The following LPA variants were observed in gnomAD, a reference collection of about 807,000 sequenced individuals.
LPA encodes apolipoprotein(a).
A neutral mutation model predicts 197.9 loss-of-function variants in LPA; 199 were observed. The ratio of observed to expected loss-of-function variants is 1.01; its 90% CI spans 0.90 to 1.13. LPA has a LOEUF of 1.13. Among genes scored for constraint, LPA ranks in the 50% most tolerant of loss-of-function variants. The pLI is 0.00. For synonymous variants in LPA, 715 were observed against 639.5 expected (o/e 1.12, Z -1.78); for missense variants, 1,853 against 1,785.8 (o/e 1.04, Z -0.68).
intron 20 of LPA, among the ~76,000 whole-genome samples, chr6:160,597,122 C>T (rs1272014335): frequency 1.3e-5 from 2 of 152,152 alleles, no homozygotes; most frequent in African/African-American, 4.8e-5. Flanking sequence ...GTGAATGCTC[C>T]ATGCACACTT....
Position 160,595,521 on chromosome 6 carries a change from T to A in LPA, c.3302A>T (p.Asn1101Ile). ...ENYPNAGLTR[N>I]YCRNPDAEIR... ...CTCAGCATCTGGATTCCTGCAGTAG[T>A]TCCTGGTCAGGCCACTGCAAATTTC... Residue 1101 changes from asparagine to isoleucine, a missense_variant, in exon 21 of 39, where the codon AAC becomes ATC. Physicochemically the swap from Asn to Ile is moderately radical, Grantham distance 149 (BLOSUM62 -3). Around this residue, in one of 3 missense-constraint regions of LPA, gnomAD observed 1,737 missense variants for 1,504.4 expected, o/e 1.15. Transcript: ENST00000316300. The A allele has an allele frequency of 6.2e-7, 1 of 1,613,986 alleles. No homozygotes were observed. The highest frequency in any genetic ancestry group is 1.1e-5 in the South Asian group (1 of 91,078).
At chr6:160,542,624 G>A (rs1350794101) in intron 34 of LPA, 64 bp downstream of exon 34, 46 of 1,608,682 alleles carry the variant, frequency 2.9e-5, no homozygotes, top group Admixed American at 3.3e-5. Flanking sequence ...CTGTGTAAAT[G>A]TAGAAGGGTT....
At chr6:160,576,647 C>CAT (rs1170597073) in intron 28 of LPA, among the ~76,000 whole-genome samples, 1 of 134,212 alleles carries the variant, frequency 7.5e-6, no homozygotes, top group Non-Finnish European at 1.6e-5. Flanking sequence ...AATATTCAGA[C>CAT]ATATATATAA....
At chr6:160,583,922 T>C (rs1317816342) in intron 26 of LPA, among the ~76,000 whole-genome samples, 1 of 152,226 alleles carries the variant, frequency 6.6e-6, no homozygotes, top group Non-Finnish European at 1.5e-5. Context: ...CTGTTCAACA[T>C]GTGCAAACAG....
At chr6:160,585,274 CACAAA>C in intron 25 of LPA, 69 bp from the exon 26 acceptor site, 1 of 1,462,870 alleles carries the variant, frequency 6.8e-7, no homozygotes, top group Non-Finnish European at 9.6e-7. Context: ...AATTATGACA[CACAAA>C]GTGGAATAAT....
intron 16 of LPA, among the ~76,000 whole-genome samples, chr6:160,607,699 C>T (rs1582882402): frequency 6.6e-6 from 1 of 152,086 alleles, no homozygotes; most frequent in South Asian, 2.1e-4. Flanking sequence ...AACACTGTCT[C>T]TCTAGAGACT....
At chr6:160,656,854 C>A (rs1463620840) in intron 1 of LPA, among the ~76,000 whole-genome samples, 2 of 152,128 alleles carry the variant, frequency 1.3e-5, no homozygotes, top group Non-Finnish European at 2.9e-5. Context: ...TTCTACCTGG[C>A]AGTTTTTTGT....
At chr6:160,602,363 T>C (rs1335716695) in intron 18 of LPA, among the ~76,000 whole-genome samples, 1 of 152,228 alleles carries the variant, frequency 6.6e-6, no homozygotes, top group Non-Finnish European at 1.5e-5. Flanking sequence ...TAATATTACA[T>C]ACCATCGTGG....
At chr6:160,607,795 C>T (rs1191969968) in intron 16 of LPA, among the ~76,000 whole-genome samples, 1 of 152,158 alleles carries the variant, frequency 6.6e-6, no homozygotes, top group Non-Finnish European at 1.5e-5. Flanking sequence ...AGAGCCCAAA[C>T]TCGTGACAAA....
At chr6:160,574,466 C>A (rs1381430736) in intron 28 of LPA, among the ~76,000 whole-genome samples, 2 of 152,070 alleles carry the variant, frequency 1.3e-5, no homozygotes, top group Non-Finnish European at 2.9e-5. Context: ...GTAGAGCAGT[C>A]CTCCATGTGG....
chr6:160,554,768 C>G (rs568211516), intron 30 of LPA, among the ~76,000 whole-genome samples: 1 of 152,070 alleles, frequency 6.6e-6, no homozygotes, highest in South Asian at 2.1e-4. Context: ...ATTCCTTCAG[C>G]TCCTTTTCAC....
intron 28 of LPA, among the ~76,000 whole-genome samples, chr6:160,570,504 AG>A (rs1270344531): frequency 6.6e-6 from 1 of 152,084 alleles, no homozygotes; most frequent in Non-Finnish European, 1.5e-5. Flanking sequence ...GGGAGTGGGG[AG>A]GGATAGTATT....
chr6:160,556,113 A>C lies in LPA; in HGVS notation c.4885T>G (p.Ser1629Ala). ...GNGQSYRGTF[S>A]TTVTGRTCQS... Reference sequence around the variant, plus strand: ...CATGTCCTTCCTGTGACAGTGGTGGAGAATGTGCCTCGATAACTCTGGCCA... The same window carrying C: ...CATGTCCTTCCTGTGACAGTGGTGGCGAATGTGCCTCGATAACTCTGGCCA... Residue 1629 changes from serine (S) to alanine (A), a missense_variant, in exon 30 of 39, where the codon TCC becomes GCC. Ser to Ala is a moderately conservative substitution (Grantham distance 99). Transcript: ENST00000316300. 2 of 1,613,958 alleles carry C rather than the reference A, an allele frequency of 1.2e-6. No individual in the cohort carries two copies. Among genetic ancestry groups the C allele is most frequent in the South Asian group, 1.1e-5 (1 of 91,082 alleles).
chr6:160,634,761 G>A (rs1242184353), intron 7 of LPA, among the ~76,000 whole-genome samples: 5 of 151,502 alleles, frequency 3.3e-5, no homozygotes, highest in Non-Finnish European at 7.3e-5. Context: ...ACTGACTGCT[G>A]GCTACTTGAA....
rs756852405 is a variant in LPA at position 160,606,443 on chromosome 6, G to T, written c.2785+34C>A. The T allele has an allele frequency of 3.7e-6, 6 of 1,610,632 alleles. No homozygotes were observed. The African/African-American group carries it at 8.0e-5, about 22-fold the overall frequency. Reference sequence around the variant, plus strand: ...TTCCATGGCTTTTCATCCCAGCATCGAAACGTGTAGGTTTCTGGCCACAGG... The same window carrying T: ...TTCCATGGCTTTTCATCCCAGCATCTAAACGTGTAGGTTTCTGGCCACAGG... On this transcript the variant is annotated intron_variant, in intron 17 of 38. Transcript: ENST00000316300.
intron 28 of LPA, among the ~76,000 whole-genome samples, chr6:160,558,114 T>A (rs1269068364): frequency 6.6e-6 from 1 of 151,928 alleles, no homozygotes; most frequent in African/African-American, 2.4e-5. Flanking sequence ...AGAGACAGGG[T>A]TTCACCGTGT....
In LPA at chr6:160,557,542, G is replaced by A. The variant is rs1453503478; in HGVS notation, c.4661C>T (p.Pro1554Leu). Residue 1554 changes from proline to leucine, a missense_variant, in exon 29 of 39, where the codon CCA becomes CTA. By Grantham distance (98) the Pro-to-Leu change is moderately conservative. Coordinates refer to ENST00000316300, the MANE Select transcript of LPA (RefSeq NM_005577.4). The part of the protein sequence containing the change: ...AGLTENYCRN[P>L]DSGKQPWCYT... ...ACACCAGGGTTGTTTCCCAGAATCT[G>A]GATTCCTGCAGTAGTTCTCGGTCAG... 3.7e-6 allele frequency: 6 copies of A among 1,613,872 alleles called. No homozygotes were observed. The South Asian group carries it at 6.6e-5, about 18-fold the overall frequency.
intron 1 of LPA, among the ~76,000 whole-genome samples, chr6:160,660,633 C>T (rs1780208400): frequency 1.3e-5 from 2 of 152,164 alleles, no homozygotes; most frequent in Non-Finnish European, 2.9e-5. Flanking sequence ...TTGGTTGTAA[C>T]ACTGTCACTT....
Position 160,591,046 on chromosome 6 carries a change from A to T in LPA, c.3685T>A (p.Tyr1229Asn). The change falls in exon 23 of 39, where the codon TAT (tyrosine) becomes AAT (asparagine). Residue 1229 changes from tyrosine to asparagine, a missense_variant. By Grantham distance (143) the Tyr-to-Asn change is moderately radical. Around this residue, in one of 3 missense-constraint regions of LPA, gnomAD observed 1,737 missense variants for 1,504.4 expected, o/e 1.15. Transcript: ENST00000316300. ...NPDAEISPWC[Y>N]TMDPNVRWEY... ...CATCTGACATTGGGATCCATGGTAT[A>T]ACACCAAGGACTAATCTCAGCATCT... 1 of 1,613,950 alleles carries T rather than the reference A, an allele frequency of 6.2e-7. No homozygotes were observed. The highest frequency in any genetic ancestry group is 1.7e-5 in the Admixed American group (1 of 60,012).
Sources: allele counts gnomAD v4.1 joint callset (sites outside exome capture counted in the v4.1 genomes callset), GRCh38; gene constraint gnomAD v4.1.1; regional missense constraint gnomAD v4.1.1; transcripts MANE v1.5; gene names NCBI Gene and HGNC (gene_info 2026-07-23, HGNC 2026-07-21).